The following PAK1 variants were observed in gnomAD, a reference collection of about 807,000 sequenced individuals.
The protein encoded by PAK1 is serine/threonine-protein kinase PAK 1.
A neutral mutation model predicts 67.4 loss-of-function variants in PAK1; 29 were observed. That is an observed-to-expected ratio of 0.43 (90% CI 0.32 to 0.59). The LOEUF is 0.59. PAK1 is among the 20% of genes least tolerant of loss of function. PAK1 has a pLI of 0.07. For synonymous variants in PAK1, 223 were observed against 237.4 expected (o/e 0.94, Z 0.56); for missense variants, 337 against 670.7 (o/e 0.50, Z 5.50).
chr11:77,518,684 A>C, the PAK1 span, among the ~76,000 whole-genome samples: 2 of 152,138 alleles, frequency 1.3e-5, no homozygotes, highest in Admixed American at 1.3e-4. Flanking sequence ...AAGTGTCATC[A>C]CTGACACCAG....
chr11:77,413,978 T>C (rs115611337), intron 1 of PAK1, among the ~76,000 whole-genome samples: 2,132 of 152,286 alleles, frequency 0.014, 42 homozygotes, highest in African/African-American at 0.049. Context: ...CATCCTCTTA[T>C]AGATGGTCTT....
At chr11:77,492,338 A>AC in the PAK1 span, among the ~76,000 whole-genome samples, 4 of 98,932 alleles carry the variant, frequency 4.0e-5, no homozygotes, top group Non-Finnish European at 7.5e-5. Flanking sequence ...TCCATCTCAC[A>AC]AAAAAAACAA....
At chr11:77,379,553 T>A (rs1023076149) in intron 3 of PAK1, 165 bp from the exon 4 acceptor site, 3 of 630,826 alleles carry the variant, frequency 4.8e-6, no homozygotes, top group Non-Finnish European at 8.0e-6. Context: ...TATAATATCT[T>A]TCTCATTGAA....
At chr11:77,409,650 C>A (rs1276202614) in intron 1 of PAK1, among the ~76,000 whole-genome samples, 1 of 151,846 alleles carries the variant, frequency 6.6e-6, no homozygotes, top group Admixed American at 6.6e-5. Flanking sequence ...ATGGATGACA[C>A]TGGATACCAT....
chr11:77,333,603 C>T (rs1273215805), intron 13 of PAK1, among the ~76,000 whole-genome samples: 1 of 152,122 alleles, frequency 6.6e-6, no homozygotes, highest in Non-Finnish European at 1.5e-5. Flanking sequence ...GTGCCTTCAC[C>T]TCAGTCATCC....
At chr11:77,498,137 A>G in the PAK1 span, among the ~76,000 whole-genome samples, 1 of 152,332 alleles carries the variant, frequency 6.6e-6, no homozygotes, top group South Asian at 2.1e-4. Flanking sequence ...AAACCCAAAT[A>G]AAATCTATAG....
At chr11:77,447,396 C>G (rs1956661915) in intron 1 of PAK1, among the ~76,000 whole-genome samples, 1 of 152,216 alleles carries the variant, frequency 6.6e-6, no homozygotes, top group Non-Finnish European at 1.5e-5. Context: ...TTCATAAGCA[C>G]TAACACTGTT....
chr11:77,460,323 C>CTTTTTT (rs71043580), intron 1 of PAK1, among the ~76,000 whole-genome samples: 1 of 131,500 alleles, frequency 7.6e-6, no homozygotes, highest in South Asian at 2.4e-4. Context: ...TTTTTGTTTG[C>CTTTTTT]TTTTTTTTTT....
chr11:77,504,562 G>A, the PAK1 span, among the ~76,000 whole-genome samples: 2 of 152,136 alleles, frequency 1.3e-5, no homozygotes, highest in African/African-American at 4.8e-5. Context: ...GTTGCAATGT[G>A]GAATCTGAAA....
chr11:77,523,827 G>A, the PAK1 span, among the ~76,000 whole-genome samples: 1 of 152,208 alleles, frequency 6.6e-6, no homozygotes, highest in Non-Finnish European at 1.5e-5. Flanking sequence ...CAATGGAAGT[G>A]TTAAATTTTT....
At chr11:77,525,321 C>A in the PAK1 span, among the ~76,000 whole-genome samples, 2 of 151,652 alleles carry the variant, frequency 1.3e-5, no homozygotes, top group African/African-American at 4.9e-5. Flanking sequence ...CAGAGCCAGA[C>A]CGTGTCTCAA....
At chr11:77,511,914 G>A in the PAK1 span, among the ~76,000 whole-genome samples, 1 of 152,148 alleles carries the variant, frequency 6.6e-6, no homozygotes, top group Non-Finnish European at 1.5e-5. Context: ...AGGGGTTGGG[G>A]GGCGTTCCAC....
chr11:77,381,176 TA>T (rs1333524682), intron 2 of PAK1, among the ~76,000 whole-genome samples: 9,350 of 134,828 alleles, frequency 0.069, 578 homozygotes, highest in African/African-American at 0.19. Flanking sequence ...TGTGTGTGTG[TA>T]GAGAGAGAGA....
At chr11:77,428,658 G>A (rs112615760) in intron 1 of PAK1, among the ~76,000 whole-genome samples, 4 of 151,870 alleles carry the variant, frequency 2.6e-5, no homozygotes, top group African/African-American at 9.7e-5. Flanking sequence ...CCATCAGGAG[G>A]GGGAGGAAGA....
intron 9 of PAK1, among the ~76,000 whole-genome samples, chr11:77,345,454 C>T (rs546397841): frequency 2.6e-5 from 4 of 152,122 alleles, no homozygotes; most frequent in Non-Finnish European, 5.9e-5. Flanking sequence ...GACAAGAACA[C>T]GAACATCTAA....
intron 9 of PAK1, among the ~76,000 whole-genome samples, 187 bp downstream of exon 9, chr11:77,349,052 T>C (rs1424162189): frequency 6.8e-6 from 1 of 147,442 alleles, no homozygotes; most frequent in Non-Finnish European, 1.5e-5. Context: ...TTGAACCTAG[T>C]AGGCGGAGGC....
At chr11:77,461,057 T>C (rs1358324013) in intron 1 of PAK1, among the ~76,000 whole-genome samples, 1 of 152,170 alleles carries the variant, frequency 6.6e-6, no homozygotes, top group Non-Finnish European at 1.5e-5. Context: ...AGAAAGGCTG[T>C]AGTGGTTTTT....
chr11:77,382,788 A>G lies in PAK1; in HGVS notation c.191-2794T>C, dbSNP rs373584151. On this transcript the variant is annotated intron_variant, in intron 2 of 14. Coordinates refer to ENST00000356341, the MANE Select transcript of PAK1 (RefSeq NM_002576.5). ...TGAAGCAGGCGGATCACTTGAGGTC[A>G]GGAGTTCAAGACCAGCCTGGCCAAC... is the stretch of plus-strand genomic sequence containing the variant. Among the ~76,000 whole-genome samples the G allele has an allele frequency of 1.4e-4, 22 of 152,302 alleles. 1 individual carries two copies. In the East Asian group the frequency reaches 3.9e-3, roughly 27 times the overall value.
intron 10 of PAK1, among the ~76,000 whole-genome samples, chr11:77,343,292 A>G (rs571532295): frequency 1.3e-5 from 2 of 151,762 alleles, no homozygotes; most frequent in Non-Finnish European, 2.9e-5. Flanking sequence ...CAGAAATTTT[A>G]GTTGACTGCA....
Sources: allele counts gnomAD v4.1 joint callset (sites outside exome capture counted in the v4.1 genomes callset), GRCh38; gene constraint gnomAD v4.1.1; transcripts MANE v1.5; gene names NCBI Gene and HGNC (gene_info 2026-07-23, HGNC 2026-07-21).